Variants in LRRC43 observed in about 807,000 individuals in gnomAD.
The protein encoded by LRRC43 is leucine-rich repeat-containing protein 43.
LRRC43 carries 62 observed loss-of-function variants against 64.3 expected under a neutral mutation model. The observed-to-expected ratio is 0.96, with a 90% confidence interval of 0.79 to 1.19. LRRC43 has a LOEUF of 1.19. Among genes scored for constraint, LRRC43 ranks in the 50% most tolerant of loss-of-function variants. The pLI, the probability that LRRC43 is intolerant of heterozygous loss-of-function variation, is 0.00. For missense variants in LRRC43, 868 were observed against 845.0 expected, an observed-to-expected ratio of 1.03 and a Z score of -0.34; for synonymous variants, 422 against 382.3, an observed-to-expected ratio of 1.10 and a Z score of -1.21.
intron 7 of LRRC43, among the ~76,000 whole-genome samples, chr12:122,193,681 C>T (rs1953746546): frequency 6.6e-6 from 1 of 152,144 alleles, no homozygotes. Flanking sequence ...TCTTGTGCCT[C>T]AGCCTACAGT....
chr12:122,188,138 G>T (rs530396477), intron 4 of LRRC43, among the ~76,000 whole-genome samples: 4 of 151,882 alleles, frequency 2.6e-5, no homozygotes, highest in Non-Finnish European at 5.9e-5. Context: ...ACAGCATCTC[G>T]CTTTGTCGCC....
intron 7 of LRRC43, among the ~76,000 whole-genome samples, chr12:122,198,993 T>C (rs1953803030): frequency 6.7e-6 from 1 of 150,302 alleles, no homozygotes; most frequent in Admixed American, 6.7e-5. Context: ...TTTTTTTTTT[T>C]TTTTTGAGAC....
At chr12:122,181,665 A>G (rs1374018219), upstream of LRRC43, among the ~76,000 whole-genome samples, 1 of 137,522 alleles carries the variant, frequency 7.3e-6, no homozygotes, top group Non-Finnish European at 1.5e-5. Flanking sequence ...GAGTGCAGTG[A>G]TGTGATCTCG....
At position 122,190,384 on chromosome 12, in the gene LRRC43, T is replaced by G. The variant is rs1188793547; in HGVS notation, c.901+16T>G. ...CTCAATGGCGGTGAGGGTACTGGCA[T>G]GCAGGGAGGGGGTGGCATGTGACAC... On this transcript the variant is annotated intron_variant, in intron 5 of 11. Coordinates refer to ENST00000339777, the MANE Select transcript of LRRC43 (RefSeq NM_001098519.2). 6.3e-7 allele frequency: 1 copy of G among 1,597,614 alleles called. No individual in the cohort carries two copies. The highest frequency in any genetic ancestry group is 8.6e-7 in the Non-Finnish European group (1 of 1,166,786).
At position 122,183,177 on chromosome 12, in the gene LRRC43, C is replaced by A; in HGVS notation, c.33C>A (p.Ser11=). The A allele has an allele frequency of 1.3e-6, 2 of 1,556,502 alleles. No homozygotes were observed. The highest frequency in any genetic ancestry group is 1.4e-5 in the African/African-American group (1 of 72,494). Residue 11 remains serine, a synonymous_variant, in exon 1 of 12, where the codon TCC becomes TCA. Transcript: ENST00000339777. ...CGTCGTACGAGTCCGAGTCCGAGTCCGAGTCTGAGGCCGGGCCTGGGACTC... is the reference window on the plus strand; with the variant it reads ...CGTCGTACGAGTCCGAGTCCGAGTCAGAGTCTGAGGCCGGGCCTGGGACTC... MEASYESESE[S]ESEAGPGTQR...
intron 4 of LRRC43, chr12:122,189,428 G>A (rs950405122): frequency 2.2e-6 from 1 of 456,666 alleles, no homozygotes; most frequent in Admixed American, 2.3e-5. Context: ...GTGAGGCTGG[G>A]ATTGGGAGAT....
intron 4 of LRRC43, among the ~76,000 whole-genome samples, chr12:122,188,320 G>T (rs909863782): frequency 2.6e-5 from 4 of 152,044 alleles, no homozygotes; most frequent in African/African-American, 4.8e-5. Flanking sequence ...TGTTAGCCAG[G>T]ATGGTCTCCA....
intron 1 of LRRC43, among the ~76,000 whole-genome samples, chr12:122,171,769 A>G (rs931011750): frequency 4.0e-5 from 6 of 150,638 alleles, no homozygotes; most frequent in African/African-American, 1.5e-4. Context: ...GGGTCTCACT[A>G]TGTTGCCCAG....
chr12:122,188,387 G>A (rs1165346696), intron 4 of LRRC43, among the ~76,000 whole-genome samples: 1 of 151,824 alleles, frequency 6.6e-6, no homozygotes, highest in Non-Finnish European at 1.5e-5. Flanking sequence ...GATTACAGGC[G>A]TGAGCCACTG....
chr12:122,200,680 G>C lies in LRRC43; in HGVS notation c.1620+20G>C, dbSNP rs1207015325. The C allele has an allele frequency of 3.1e-6, 5 of 1,613,448 alleles. No homozygotes were observed. Among genetic ancestry groups the C allele is most frequent in the Non-Finnish European group, 4.2e-6 (5 of 1,179,894 alleles). On this transcript the variant is annotated intron_variant, in intron 9 of 11. Coordinates refer to ENST00000339777, the MANE Select transcript of LRRC43 (RefSeq NM_001098519.2). The surrounding 1 kb of genome is among the most constrained non-coding windows in gnomAD (Gnocchi z 4.6). ...GCCAAGGTACCGGGCCTTGGTGCTG[G>C]GGAGGGCAGCCTGGCCACACCCTTG...
chr12:122,177,192 C>T (rs1953543633), intron 1 of LRRC43, among the ~76,000 whole-genome samples: 2 of 152,102 alleles, frequency 1.3e-5, no homozygotes, highest in African/African-American at 2.4e-5. Context: ...CCTGGGCCTC[C>T]CCAATGCAAT....
In LRRC43 at chr12:122,199,956, G is replaced by A. The variant is rs564832163; in HGVS notation, c.1350-233G>A. Among the ~76,000 whole-genome samples the A allele has an allele frequency of 3.9e-5, 6 of 152,310 alleles. No homozygotes were observed. In the South Asian group the frequency reaches 1.0e-3, roughly 26 times the overall value. On this transcript the variant is annotated intron_variant, in intron 7 of 11. Transcript: ENST00000339777. The stretch of plus-strand genomic sequence containing the variant: ...TCTTTCAGTTGCTCAGGGTGGTCCT[G>A]CCTCTGAAGGAGGGCTCCACTTGCC...
At chr12:122,187,160 G>A (rs983801978) in intron 3 of LRRC43, among the ~76,000 whole-genome samples, 1 of 152,058 alleles carries the variant, frequency 6.6e-6, no homozygotes, top group Non-Finnish European at 1.5e-5. Flanking sequence ...GAACCCAGGA[G>A]GCGGAGGTTG....
chr12:122,179,673 C>T (rs1762694523), upstream of LRRC43, among the ~76,000 whole-genome samples: 1 of 152,000 alleles, frequency 6.6e-6, no homozygotes, highest in Admixed American at 6.6e-5. Context: ...GGAGAAGGCA[C>T]TCTCAAGAGA....
chr12:122,194,213 G>GTT (rs576665694), intron 7 of LRRC43, among the ~76,000 whole-genome samples: 1 of 145,384 alleles, frequency 6.9e-6, no homozygotes, highest in African/African-American at 2.5e-5. Context: ...ATATAAAGTT[G>GTT]TTTTTTTTTT....
intron 1 of LRRC43, among the ~76,000 whole-genome samples, chr12:122,176,347 G>T (rs1953536854): frequency 6.6e-6 from 1 of 152,162 alleles, no homozygotes; most frequent in African/African-American, 2.4e-5. Context: ...CAGCCACAGT[G>T]ACGCGAGAGG....
chr12:122,182,430 G>A (rs895897912), upstream of LRRC43, among the ~76,000 whole-genome samples: 2 of 147,350 alleles, frequency 1.4e-5, no homozygotes, highest in South Asian at 4.4e-4. Context: ...GCTGAGGCAG[G>A]AGAATCGGTT....
intron 1 of LRRC43, chr12:122,174,282 C>G: frequency 1.5e-6 from 2 of 1,294,024 alleles, no homozygotes; most frequent in Non-Finnish European, 2.2e-6. Context: ...GAGCAGTCAG[C>G]GTCCCGCCCA....
Position 122,183,237 on chromosome 12 carries a change from G to C in LRRC43, c.93G>C (p.Val31=). 1 of 1,570,032 alleles carries C rather than the reference G, an allele frequency of 6.4e-7. No individual in the cohort carries two copies. The highest frequency in any genetic ancestry group is 8.6e-7 in the Non-Finnish European group (1 of 1,167,524). ...GGACCGGGACCGTGAGCGCGGCCGTGCGCGAGCACTTGCGGAAGCTGTGTC... is the reference window on the plus strand; with the variant it reads ...GGACCGGGACCGTGAGCGCGGCCGTCCGCGAGCACTTGCGGAAGCTGTGTC... ...RPGTGTVSAA[V]REHLRKLCLR... is the part of the protein sequence containing the mutation. Residue 31 remains valine (V), a synonymous_variant, in exon 1 of 12, where the codon GTG becomes GTC. Transcript: ENST00000339777.
Sources: allele counts gnomAD v4.1 joint callset (sites outside exome capture counted in the v4.1 genomes callset), GRCh38; gene constraint gnomAD v4.1.1; non-coding constraint Gnocchi (gnomAD v3.1); transcripts MANE v1.5; gene names NCBI Gene and HGNC (gene_info 2026-07-23, HGNC 2026-07-21).